The following TMEM171 variants were observed in gnomAD, a reference collection of about 807,000 sequenced individuals.
TMEM171 encodes the protein transmembrane protein 171, also known as proline-rich protein PRP2.
In TMEM171, 16 loss-of-function variants were observed where a neutral mutation model predicts 19.1. The ratio of observed to expected loss-of-function variants is 0.84; its 90% CI spans 0.57 to 1.27. The LOEUF is 1.27. TMEM171 is among the 50% of genes most tolerant of loss of function. TMEM171 has a pLI of 0.00. For synonymous variants in TMEM171, 153 were observed against 163.4 expected (o/e 0.94, Z 0.48); for missense variants, 429 against 412.7 (o/e 1.04, Z -0.34).
chr5:73,128,058 A>G (rs1377792249), intron 2 of TMEM171, among the ~76,000 whole-genome samples: 1 of 152,072 alleles, frequency 6.6e-6, no homozygotes, highest in Non-Finnish European at 1.5e-5. Context: ...CCGTTTTTAA[A>G]TGGTTTAGTG....
chr5:73,125,164 C>T (rs1246360627), intron 2 of TMEM171, among the ~76,000 whole-genome samples: 1 of 151,916 alleles, frequency 6.6e-6, no homozygotes, highest in Non-Finnish European at 1.5e-5. Flanking sequence ...GGTAGATGCT[C>T]CCAGCTTATT....
In TMEM171 at chr5:73,131,672, A is replaced by AAAAAG. The variant is rs1362556459; in HGVS notation, c.922_926dup (p.Asn309LysfsTer39). On this transcript the variant is annotated frameshift_variant, in exon 4 of 4. Coordinates refer to ENST00000454765, the MANE Select transcript of TMEM171 (RefSeq NM_173490.8). LOFTEE classifies it low-confidence loss of function (END_TRUNC). The stretch of plus-strand genomic sequence containing the variant: ...TCTGAATTGCCTCCTAGATATGAAG[A>AAAAAG]AAAAGAAAATGCTGCAGCTACATTC... 5 of 1,613,996 alleles carry AAAAAG rather than the reference A, an allele frequency of 3.1e-6. No individual in the cohort carries two copies. Among genetic ancestry groups the AAAAAG allele is most frequent in the Non-Finnish European group, 4.2e-6 (5 of 1,179,960 alleles).
At chr5:73,128,177 CCCTT>C (rs1424986365) in intron 2 of TMEM171, among the ~76,000 whole-genome samples, 1 of 152,200 alleles carries the variant, frequency 6.6e-6, no homozygotes, top group African/African-American at 2.4e-5. Flanking sequence ...AATTCCCACT[CCCTT>C]CCTCCTCCCG....
intron 1 of TMEM171, among the ~76,000 whole-genome samples, chr5:73,121,368 G>C (rs1744003933): frequency 6.6e-6 from 1 of 152,156 alleles, no homozygotes; most frequent in Non-Finnish European, 1.5e-5. Flanking sequence ...CCGCAAAAGA[G>C]ATTGCATGAT....
chr5:73,128,397 G>A lies in TMEM171; in HGVS notation c.648G>A (p.Ser216=), dbSNP rs766624968. ...MEPVQVTVGD[S]VIIFPPPPPP... ...AATATTGTTTTGCCTTAGGTGACTC[G>A]GTAATAATATTTCCACCCCCTCCAC... The change falls in exon 3 of 4, where the codon TCG becomes TCA. Residue 216 remains serine, a synonymous_variant. Coordinates refer to ENST00000454765, the MANE Select transcript of TMEM171 (RefSeq NM_173490.8). 174 of 1,613,798 alleles carry A rather than the reference G, an allele frequency of 1.1e-4. No individual in the cohort carries two copies. The highest frequency in any genetic ancestry group is 3.3e-4 in the Middle Eastern group (2 of 6,084).
At chr5:73,126,835 C>CA (rs1317105897) in intron 2 of TMEM171, among the ~76,000 whole-genome samples, 1 of 152,190 alleles carries the variant, frequency 6.6e-6, no homozygotes, top group African/African-American at 2.4e-5. Context: ...TTGCTATTGC[C>CA]AGCTTCTCAG....
Position 73,128,482 on chromosome 5 carries a change from C to T in TMEM171, c.733C>T (p.Leu245=). ...AVAESPGTNS[L]LPNENPPSYY... is the part of the protein sequence containing the mutation. ...CGCTGAGAGTCCTGGAACTAACAGT[C>T]TGCTTCCGAATGAAAACCCCCCTTC... is the stretch of plus-strand genomic sequence containing the variant. Residue 245 remains leucine (L), a synonymous_variant, in exon 3 of 4, where the codon CTG becomes TTG. Transcript: ENST00000454765. 3.7e-6 allele frequency: 6 copies of T among 1,614,164 alleles called. No individual in the cohort carries two copies. Among genetic ancestry groups the T allele is most frequent in the Non-Finnish European group, 5.1e-6 (6 of 1,180,032 alleles).
intron 1 of TMEM171, 34 bp downstream of exon 1, chr5:73,120,730 G>T (rs1743984292): frequency 1.0e-6 from 1 of 983,632 alleles, no homozygotes; most frequent in Admixed American, 6.2e-5. Flanking sequence ...CTGCGCCGGC[G>T]GCGGCGGGTC....
In TMEM171 at chr5:73,123,521, A is replaced by C; in HGVS notation, c.148A>C (p.Lys50Gln). 1 of 1,614,050 alleles carries C rather than the reference A, an allele frequency of 6.2e-7. No homozygotes were observed. Among genetic ancestry groups the C allele is most frequent in the African/African-American group, 1.3e-5 (1 of 74,980 alleles). Residue 50 changes from lysine (K) to glutamine (Q), a missense_variant, in exon 2 of 4, where the codon AAG becomes CAG. By Grantham distance (53) the Lys-to-Gln change is moderately conservative. Transcript: ENST00000454765. The part of the protein sequence containing the change: ...SIFGFQACQY[K>Q]PLPDCPMVLK... ...CTTTGGGTTCCAGGCATGCCAATAT[A>C]AGCCCCTCCCAGACTGCCCCATGGT... is the stretch of plus-strand genomic sequence containing the variant.
Position 73,123,949 on chromosome 5 carries a change from C to T in TMEM171, c.576C>T (p.Gly192=), listed in dbSNP as rs1410398429. 6.2e-7 allele frequency: 1 copy of T among 1,609,516 alleles called. No individual in the cohort carries two copies. Among genetic ancestry groups the T allele is most frequent in the South Asian group, 1.1e-5 (1 of 90,218 alleles). ...HVKKRNTLNA[G]QDASEREEGQ... The stretch of plus-strand genomic sequence containing the variant: ...AGAAGAGAAACACGCTGAATGCTGG[C>T]CAGGATGCCTCTGAGAGAGAAGAGG... The change falls in exon 2 of 4, where the codon GGC becomes GGT. Residue 192 remains glycine, a synonymous_variant. Transcript: ENST00000454765.
chr5:73,121,794 A>T (rs373572507), intron 1 of TMEM171, among the ~76,000 whole-genome samples: 3 of 152,160 alleles, frequency 2.0e-5, no homozygotes, highest in African/African-American at 7.2e-5. Context: ...GTTTGTCAAG[A>T]TCATCTTGGG....
intron 2 of TMEM171, among the ~76,000 whole-genome samples, chr5:73,128,159 C>A (rs1322360390): frequency 6.6e-6 from 1 of 152,154 alleles, no homozygotes; most frequent in Non-Finnish European, 1.5e-5. Flanking sequence ...CTGTACTCAC[C>A]AAACAGCAAT....
Position 73,120,624 on chromosome 5 carries a change from G to A in TMEM171, c.-141G>A. On this transcript the variant is annotated 5_prime_UTR_variant, in exon 1 of 4. In the 5' UTR this introduces an upstream ATG that the reference lacks. Coordinates refer to ENST00000454765, the MANE Select transcript of TMEM171 (RefSeq NM_173490.8). ...GGGCGGCCGGCGCAGCCGAGGCCGC[G>A]TGCGGAGGCGGACGCCGCGCCCAGC... The A allele has an allele frequency of 3.0e-6, 3 of 984,904 alleles. No homozygotes were observed. The highest frequency in any genetic ancestry group is 3.6e-6 in the Non-Finnish European group (3 of 829,822). 61.0% of individuals were successfully genotyped at this position (984,904 alleles called of 1,614,324 possible). A position where few individuals can be genotyped will look rare whatever the true frequency, so the allele number is the denominator to read the frequency against.
chr5:73,125,013 C>G (rs768249533), intron 2 of TMEM171, among the ~76,000 whole-genome samples: 5 of 152,088 alleles, frequency 3.3e-5, no homozygotes, highest in Admixed American at 6.5e-5. Flanking sequence ...GATGCATCTC[C>G]TGTTTGGGGC....
chr5:73,131,573 G>A lies in TMEM171; in HGVS notation c.818G>A (p.Arg273Lys). Residue 273 changes from arginine to lysine, a missense_variant, in exon 4 of 4, where the codon AGA becomes AAA. Arg to Lys is a conservative substitution (Grantham distance 26, BLOSUM62 2). Transcript: ENST00000454765. The part of the protein sequence containing the change: ...TPTSEGAASE[R>K]DCESIYTISG... ...ACTTCAGAGGGTGCAGCCTCTGAAA[G>A]AGACTGTGAATCTATATATACCATT... The A allele has an allele frequency of 6.2e-7, 1 of 1,611,286 alleles. No homozygotes were observed. Among genetic ancestry groups the A allele is most frequent in the South Asian group, 1.1e-5 (1 of 90,328 alleles).
In TMEM171 at chr5:73,128,454, G is replaced by A. The variant is rs142658267; in HGVS notation, c.705G>A (p.Ala235=). 113 of 1,613,962 alleles carry A rather than the reference G, an allele frequency of 7.0e-5. No individual in the cohort carries two copies. Among genetic ancestry groups the A allele is most frequent in the East Asian group, 2.0e-4 (9 of 44,868 alleles). ...ACTTTCCTGAATCTTCAGCTTCTGCGGTCGCTGAGAGTCCTGGAACTAACA... is the reference window on the plus strand; with the variant it reads ...ACTTTCCTGAATCTTCAGCTTCTGCAGTCGCTGAGAGTCCTGGAACTAACA... ...PPYFPESSAS[A]VAESPGTNSL... The change falls in exon 3 of 4, where the codon GCG becomes GCA. Residue 235 remains alanine, a synonymous_variant. Transcript: ENST00000454765.
rs767193589 is a variant in TMEM171, at chr5:73,123,936, C to T, written c.563C>T (p.Thr188Met). ...GTTGCCCATGTTAAGAAGAGAAACA[C>T]GCTGAATGCTGGCCAGGATGCCTCT... Reference protein sequence around the residue: ...FVVAHVKKRNTLNAGQDASER... With the variant: ...FVVAHVKKRNMLNAGQDASER... The change falls in exon 2 of 4, where the codon ACG becomes ATG. Residue 188 changes from threonine to methionine, a missense_variant. Coordinates refer to ENST00000454765, the MANE Select transcript of TMEM171 (RefSeq NM_173490.8). The T allele has an allele frequency of 2.7e-5, 44 of 1,612,682 alleles. No individual in the cohort carries two copies. Among genetic ancestry groups the T allele is most frequent in the Middle Eastern group, 3.3e-4 (2 of 6,058 alleles).
rs1263494472 is a variant in TMEM171 at position 73,123,481 on chromosome 5, A to T, written c.108A>T (p.Gly36=). 6.2e-7 allele frequency: 1 copy of T among 1,614,148 alleles called. No individual in the cohort carries two copies. Among genetic ancestry groups the T allele is most frequent in the South Asian group, 1.1e-5 (1 of 91,068 alleles). Reference sequence around the variant, plus strand: ...TCGGCGCCGTCTTGTTGTGTGTGGGAGTCCTGCTCTCCATCTTTGGGTTCC... The same window carrying T: ...TCGGCGCCGTCTTGTTGTGTGTGGGTGTCCTGCTCTCCATCTTTGGGTTCC... ...FVFGAVLLCV[G]VLLSIFGFQA... is the part of the protein sequence containing the mutation. Residue 36 remains glycine, a synonymous_variant, in exon 2 of 4, where the codon GGA becomes GGT. Transcript: ENST00000454765.
intron 2 of TMEM171, among the ~76,000 whole-genome samples, chr5:73,127,384 A>AAAAAAAAAAAAAATATAT: frequency 1.2e-5 from 1 of 81,696 alleles, no homozygotes; most frequent in Admixed American, 1.1e-4. Context: ...AAAAAAAAAA[A>AAAAAAAAAAAAAATATAT]ATATATATAT....
Sources: allele counts gnomAD v4.1 joint callset (sites outside exome capture counted in the v4.1 genomes callset), GRCh38; gene constraint gnomAD v4.1.1; transcripts MANE v1.5; gene names NCBI Gene and HGNC (gene_info 2026-07-23, HGNC 2026-07-21).